Variants in SH3PXD2A observed in about 807,000 individuals in gnomAD.
The protein encoded by SH3PXD2A is SH3 and PX domains 2A, also known as SH3 and PX domain-containing protein 2A.
Under a neutral mutation model 115.2 loss-of-function variants are expected in SH3PXD2A, and 32 were observed. The ratio of observed to expected loss-of-function variants is 0.28; its 90% CI spans 0.21 to 0.37. SH3PXD2A has a LOEUF of 0.37. Among genes scored for constraint, SH3PXD2A ranks in the 10% least tolerant of loss-of-function variants. The pLI, the probability that SH3PXD2A is intolerant of heterozygous loss-of-function variation, is 1.00. For synonymous variants in SH3PXD2A, 610 were observed against 629.1 expected (o/e 0.97, Z 0.45); for missense variants, 1,328 against 1,498.7 (o/e 0.89, Z 1.88).
chr10:103,799,506 T>C (rs534471597), intron 2 of SH3PXD2A, among the ~76,000 whole-genome samples: 1 of 152,374 alleles, frequency 6.6e-6, no homozygotes, highest in South Asian at 2.1e-4. Context: ...AGCTGCTCCC[T>C]GCTTGCGTAT....
At position 103,640,917 on chromosome 10, in the gene SH3PXD2A, G is replaced by T. The variant is rs3781348; in HGVS notation, c.605-13715C>A. Reference sequence around the variant, plus strand: ...CTCATGATCCCCCAGGGCCCTGGGGGCTACAGGGAAGCACTGACAGATCCA... The same window carrying T: ...CTCATGATCCCCCAGGGCCCTGGGGTCTACAGGGAAGCACTGACAGATCCA... On this transcript the variant is annotated intron_variant, in intron 8 of 14. Coordinates refer to ENST00000369774, the MANE Select transcript of SH3PXD2A (RefSeq NM_001394015.1). Among the ~76,000 whole-genome samples the T allele has an allele frequency of 2.2e-4, 34 of 152,180 alleles. No homozygotes were observed. In the East Asian group the frequency reaches 6.4e-3, roughly 29 times the overall value.
rs1350813459 is a variant in SH3PXD2A, at chr10:103,855,435, G to T, written c.-169C>A. 7.2e-6 allele frequency: 2 copies of T among 278,660 alleles called. No individual in the cohort carries two copies. Among genetic ancestry groups the T allele is most frequent in the East Asian group, 1.3e-4 (2 of 15,302 alleles). The allele number at this position is 278,660 out of a possible 1,614,324, so 17.3% of individuals were successfully genotyped here. On this transcript the variant is annotated 5_prime_UTR_variant, in exon 1 of 15. Transcript: ENST00000369774. Reference sequence around the variant, plus strand: ...CCACAGGTCCGGCCCAGGGACGGGGGAGGGTCCCGGAGGGCGCGCGGGCTC... The same window carrying T: ...CCACAGGTCCGGCCCAGGGACGGGGTAGGGTCCCGGAGGGCGCGCGGGCTC...
chr10:103,854,338 C>T (rs1156928944), intron 1 of SH3PXD2A, among the ~76,000 whole-genome samples: 1 of 152,136 alleles, frequency 6.6e-6, no homozygotes, highest in Non-Finnish European at 1.5e-5. Context: ...AGCACAGACG[C>T]TCAGAGGGGT....
chr10:103,722,403 A>T (rs981603146), intron 5 of SH3PXD2A, among the ~76,000 whole-genome samples: 1 of 151,894 alleles, frequency 6.6e-6, no homozygotes, highest in African/African-American at 2.4e-5. Context: ...GGGCTTAATC[A>T]CTATTCCCTT....
intron 5 of SH3PXD2A, among the ~76,000 whole-genome samples, chr10:103,718,760 G>GAC (rs55844048): frequency 0.34 from 43,587 of 128,230 alleles, 8,007 homozygotes; most frequent in South Asian, 0.43. Context: ...CCCCAATCAG[G>GAC]ACACACACAC....
intron 5 of SH3PXD2A, among the ~76,000 whole-genome samples, chr10:103,717,563 G>A (rs2038120102): frequency 6.6e-6 from 1 of 152,094 alleles, no homozygotes; most frequent in Non-Finnish European, 1.5e-5. Flanking sequence ...AGGCTGCAGA[G>A]ATGCAAAGGT....
intron 1 of SH3PXD2A, among the ~76,000 whole-genome samples, chr10:103,806,584 G>A (rs2039204999): frequency 6.6e-6 from 1 of 152,288 alleles, no homozygotes; most frequent in Admixed American, 6.5e-5. Flanking sequence ...CTCTCCTCCA[G>A]CCTCAGGAGC....
intron 8 of SH3PXD2A, among the ~76,000 whole-genome samples, chr10:103,638,465 C>T (rs117813054): frequency 0.017 from 2,598 of 152,304 alleles, 53 homozygotes; most frequent in South Asian, 0.052. Context: ...GGTGAGGCAC[C>T]CAGAAGGAGG....
At chr10:103,805,651 G>A (rs1055339308) in intron 1 of SH3PXD2A, among the ~76,000 whole-genome samples, 2 of 152,360 alleles carry the variant, frequency 1.3e-5, no homozygotes, top group African/African-American at 4.8e-5. Flanking sequence ...AGCACTTTGG[G>A]AGGCCAAGGC....
intron 6 of SH3PXD2A, among the ~76,000 whole-genome samples, chr10:103,676,521 G>A (rs1218249417): frequency 6.6e-6 from 1 of 152,156 alleles, no homozygotes; most frequent in African/African-American, 2.4e-5. Flanking sequence ...GAGCACTGAG[G>A]CTGCCTAGAA....
At chr10:103,738,365 G>A (rs1318347102) in intron 3 of SH3PXD2A, among the ~76,000 whole-genome samples, 2 of 152,208 alleles carry the variant, frequency 1.3e-5, no homozygotes, top group African/African-American at 4.8e-5. Flanking sequence ...TGTGAGGCCA[G>A]GGGGAGGCTG....
At chr10:103,670,127 T>C (rs1198016788) in intron 6 of SH3PXD2A, among the ~76,000 whole-genome samples, 1 of 152,160 alleles carries the variant, frequency 6.6e-6, no homozygotes, top group Non-Finnish European at 1.5e-5. Flanking sequence ...GCAAGCCACC[T>C]TCCAATTGCA....
chr10:103,615,539 G>C (rs1224389481), intron 11 of SH3PXD2A, among the ~76,000 whole-genome samples: 1 of 99,886 alleles, frequency 1.0e-5, no homozygotes, highest in African/African-American at 3.5e-5. Flanking sequence ...TGTAGGGGTT[G>C]GGGGAGGAGA....
At chr10:103,827,624 G>A (rs1245850910) in intron 1 of SH3PXD2A, among the ~76,000 whole-genome samples, 2 of 152,156 alleles carry the variant, frequency 1.3e-5, no homozygotes, top group African/African-American at 4.8e-5. Flanking sequence ...TCAGTGCACC[G>A]TGACTTCCTT....
Position 103,701,218 on chromosome 10 carries a change from C to T in SH3PXD2A, c.399-8162G>A, listed in dbSNP as rs534226192. 3.5e-5 allele frequency among the ~76,000 whole-genome samples: 5 copies of T among 144,556 alleles called. No individual in the cohort carries two copies. The East Asian group carries it at 6.9e-4, about 20-fold the overall frequency. 94.8% of individuals were successfully genotyped at this position (144,556 alleles called of 152,430 possible). A position where few individuals can be genotyped will look rare whatever the true frequency, so the allele number is the denominator to read the frequency against. On this transcript the variant is annotated intron_variant, in intron 5 of 14. Coordinates refer to ENST00000369774, the MANE Select transcript of SH3PXD2A (RefSeq NM_001394015.1). ...ATCCATCATCCATTTACCATCTATC[C>T]ATCTACCATCCAGCCATCCATCATC...
chr10:103,640,495 C>T (rs2036938690), intron 8 of SH3PXD2A, among the ~76,000 whole-genome samples: 1 of 152,040 alleles, frequency 6.6e-6, no homozygotes, highest in South Asian at 2.1e-4. Context: ...GTAGGGACAG[C>T]ATGGACAGGC....
chr10:103,800,107 CTT>C (rs1359254465), intron 2 of SH3PXD2A, among the ~76,000 whole-genome samples: 2 of 152,210 alleles, frequency 1.3e-5, no homozygotes, highest in East Asian at 3.9e-4. Context: ...GTGAGTGTCT[CTT>C]TGTGTTTTTA....
intron 1 of SH3PXD2A, among the ~76,000 whole-genome samples, chr10:103,847,760 A>C (rs929112773): frequency 6.6e-6 from 1 of 152,140 alleles, no homozygotes; most frequent in Non-Finnish European, 1.5e-5. Context: ...CCAACATGGC[A>C]AAACCCCACC....
At chr10:103,831,249 C>T (rs757094511) in intron 1 of SH3PXD2A, among the ~76,000 whole-genome samples, 4 of 152,176 alleles carry the variant, frequency 2.6e-5, no homozygotes, top group Non-Finnish European at 5.9e-5. Flanking sequence ...ACTTACAGAT[C>T]TTATTCATAT....
Sources: allele counts gnomAD v4.1 joint callset (sites outside exome capture counted in the v4.1 genomes callset), GRCh38; gene constraint gnomAD v4.1.1; transcripts MANE v1.5; gene names NCBI Gene and HGNC (gene_info 2026-07-23, HGNC 2026-07-21).